ZNF586: variants seen among roughly 807,000 people sequenced by gnomAD.
ZNF586 encodes the protein zinc finger protein 586.
ZNF586 carries 7 observed loss-of-function variants against 6.7 expected under a neutral mutation model. The observed-to-expected ratio is 1.04, with a 90% CI of 0.59 to 1.95. The LOEUF (loss-of-function observed/expected upper bound fraction) is 1.95. Ranked by LOEUF, ZNF586 falls within the 30% of genes most tolerant of loss-of-function variation. The probability of loss-of-function intolerance (pLI) is 0.00; values close to 1 mark genes in which losing one functional copy is unlikely to be tolerated. For missense variants in ZNF586, 442 were observed against 489.6 expected (o/e 0.90, Z 0.92); for synonymous variants, 166 against 168.7 (o/e 0.98, Z 0.12).
At chr19:57,772,499 G>GTTT (rs397694745) in intron 1 of ZNF586, among the ~76,000 whole-genome samples, 106 of 147,396 alleles carry the variant, frequency 7.2e-4, no homozygotes, top group African/African-American at 2.5e-3. Context: ...GCCCCAGGAT[G>GTTT]TTTTTTTTTT....
Position 57,779,249 on chromosome 19 carries a change from T to C in ZNF586, c.662T>C (p.Leu221Pro). 6.2e-7 allele frequency: 1 copy of C among 1,613,938 alleles called. No individual in the cohort carries two copies. Among genetic ancestry groups the C allele is most frequent in the Non-Finnish European group, 8.5e-7 (1 of 1,179,994 alleles). ...CGKSFAYTSS[L>P]IKHRRIHTGE... ...AAGTCCTTTGCTTATACATCTAGTC[T>C]CATTAAACACAGGAGGATTCACACT... is the stretch of plus-strand genomic sequence containing the variant. The change falls in exon 3 of 3, where the codon CTC becomes CCC. Residue 221 changes from leucine (L) to proline (P), a missense_variant. Transcript: ENST00000396154.
chr19:57,779,021 C>T lies in ZNF586; in HGVS notation c.434C>T (p.Thr145Ile). 1 of 1,614,094 alleles carries T rather than the reference C, an allele frequency of 6.2e-7. No individual in the cohort carries two copies. Among genetic ancestry groups the T allele is most frequent in the East Asian group, 2.2e-5 (1 of 44,870 alleles). ...CTCCATATTCATGAGAGATTTCATA[C>T]TGGGCAAAAGACCTATGAGTGCAGT... Reference protein sequence around the residue: ...PTLHIHERFHTGQKTYECSEC... With the variant: ...PTLHIHERFHIGQKTYECSEC... The change falls in exon 3 of 3, where the codon ACT becomes ATT. Residue 145 changes from threonine to isoleucine, a missense_variant. By Grantham distance (89) the Thr-to-Ile change is moderately conservative. Transcript: ENST00000396154.
intron 1 of ZNF586, 132 bp from the exon 2 acceptor site, chr19:57,776,410 TG>T: frequency 9.0e-7 from 1 of 1,112,106 alleles, no homozygotes; most frequent in African/African-American, 1.6e-5. Context: ...GTGGCACTAG[TG>T]GGCAAAATTT....
chr19:57,780,002 T>C lies in ZNF586; in HGVS notation c.*206T>C. The C allele has an allele frequency of 1.8e-6, 1 of 551,532 alleles. No homozygotes were observed. Among genetic ancestry groups the C allele is most frequent in the Non-Finnish European group, 3.2e-6 (1 of 315,710 alleles). The allele number at this position is 551,532 out of a possible 1,614,324, so 34.2% of individuals were successfully genotyped here. On this transcript the variant is annotated 3_prime_UTR_variant, in exon 3 of 3. Transcript: ENST00000396154. ...AAAGCCTTCAGCCCTCTCTCATTGG[T>C]TACCACAATATTTACATGAGGAAAA...
At chr19:57,771,590 A>C (rs1987098847) in intron 1 of ZNF586, among the ~76,000 whole-genome samples, 1 of 152,142 alleles carries the variant, frequency 6.6e-6, no homozygotes, top group Non-Finnish European at 1.5e-5. Context: ...TCACCCAGGA[A>C]CTGATACTGG....
At chr19:57,776,120 C>CAG (rs1568483342) in intron 1 of ZNF586, among the ~76,000 whole-genome samples, 1 of 152,100 alleles carries the variant, frequency 6.6e-6, no homozygotes, top group Non-Finnish European at 1.5e-5. Context: ...CTGGCAAGAC[C>CAG]AGAGAGAGGC....
chr19:57,769,946 G>A, intron 1 of ZNF586, 68 bp downstream of exon 1: 1 of 1,352,006 alleles, frequency 7.4e-7, no homozygotes, highest in Admixed American at 2.9e-5. Context: ...TGATCGTGAG[G>A]GCCGCCTCCT....
In ZNF586 at chr19:57,779,595, G is replaced by T. The variant is rs1397613115; in HGVS notation, c.1008G>T (p.Leu336=). ...GAAAATCTAGCCTTATTATACATCT[G>T]AGAGTTCACACTGGAGAAAGGCCTT... The part of the protein sequence containing the change: ...FSRKSSLIIH[L]RVHTGERPYE... The change falls in exon 3 of 3, where the codon CTG becomes CTT. Residue 336 remains leucine, a synonymous_variant. Coordinates refer to ENST00000396154, the MANE Select transcript of ZNF586 (RefSeq NM_017652.4). 6.2e-7 allele frequency: 1 copy of T among 1,613,568 alleles called. No individual in the cohort carries two copies. Among genetic ancestry groups the T allele is most frequent in the African/African-American group, 1.3e-5 (1 of 74,820 alleles).
At chr19:57,776,798 G>A in intron 2 of ZNF586, 129 bp downstream of exon 2, 1 of 1,175,462 alleles carries the variant, frequency 8.5e-7, no homozygotes, top group Non-Finnish European at 1.2e-6. Flanking sequence ...TTCTGTTGTT[G>A]GTCGGACTGA....
chr19:57,778,834 A>G lies in ZNF586; in HGVS notation c.247A>G (p.Ser83Gly), dbSNP rs1003839628. The G allele has an allele frequency of 6.2e-7, 1 of 1,614,212 alleles. No individual in the cohort carries two copies. Among genetic ancestry groups the G allele is most frequent in the Non-Finnish European group, 8.5e-7 (1 of 1,180,042 alleles). ...TATATACAAAGACCAGGGAGGTCAT[A>G]GTGGAGAAAGGCCTTATGAGTGTGG... is the stretch of plus-strand genomic sequence containing the variant. Reference protein sequence around the residue: ...IHIYKDQGGHSGERPYECGEY... With the variant: ...IHIYKDQGGHGGERPYECGEY... Residue 83 changes from serine (S) to glycine (G), a missense_variant, in exon 3 of 3, where the codon AGT becomes GGT. Physicochemically the swap from Ser to Gly is moderately conservative, Grantham distance 56. Transcript: ENST00000396154.
chr19:57,778,325 T>C (rs1041556361), intron 2 of ZNF586, among the ~76,000 whole-genome samples: 2 of 152,080 alleles, frequency 1.3e-5, no homozygotes, highest in African/African-American at 4.8e-5. Flanking sequence ...TCCACCCACC[T>C]CGGCCTCGCA....
In ZNF586 at chr19:57,769,799, G is replaced by A; in HGVS notation, c.-44G>A. 6.5e-7 allele frequency: 1 copy of A among 1,541,972 alleles called. No homozygotes were observed. The highest frequency in any genetic ancestry group is 8.7e-7 in the Non-Finnish European group (1 of 1,144,290). ...TGGTCGCGACCCGGGACAGGACAAC[G>A]ACAGGAACACCGCCGAGCCCGCGTT... On this transcript the variant is annotated 5_prime_UTR_variant, in exon 1 of 3. Coordinates refer to ENST00000396154, the MANE Select transcript of ZNF586 (RefSeq NM_017652.4).
chr19:57,769,879 G>A lies in ZNF586; in HGVS notation c.36+1G>A, dbSNP rs1404857674. On this transcript the variant is annotated splice_donor_variant, in intron 1 of 2. Coordinates refer to ENST00000396154, the MANE Select transcript of ZNF586 (RefSeq NM_017652.4). LOFTEE classifies it high-confidence loss of function. ...AGCCGCTCTGAGGGCGCCTGCTCAG[G>A]TGAGCGCTGCGACCTCCGGGCCTTA... 7.8e-6 allele frequency: 12 copies of A among 1,541,708 alleles called. No individual in the cohort carries two copies. Among genetic ancestry groups the A allele is most frequent in the Non-Finnish European group, 1.0e-5 (12 of 1,143,554 alleles).
chr19:57,775,231 G>A (rs1304362960), intron 1 of ZNF586, among the ~76,000 whole-genome samples: 15 of 152,174 alleles, frequency 9.9e-5, no homozygotes, highest in East Asian at 7.7e-4. Flanking sequence ...TCCTGACCTC[G>A]TGATCTGCCC....
intron 1 of ZNF586, among the ~76,000 whole-genome samples, chr19:57,770,155 T>TTA (rs1987055074): frequency 1.4e-5 from 1 of 73,474 alleles, no homozygotes; most frequent in Admixed American, 2.0e-4. Context: ...ACGGAGTTAT[T>TTA]TCTTTTTTTT....
intron 1 of ZNF586, among the ~76,000 whole-genome samples, chr19:57,776,061 C>T (rs1987229473): frequency 6.6e-6 from 1 of 152,192 alleles, no homozygotes; most frequent in Non-Finnish European, 1.5e-5. Flanking sequence ...TAGGGTGAAA[C>T]TCCTACTCTT....
intron 1 of ZNF586, among the ~76,000 whole-genome samples, chr19:57,775,363 C>T (rs1009973434): frequency 6.6e-6 from 1 of 152,056 alleles, no homozygotes; most frequent in African/African-American, 2.4e-5. Context: ...GGTGTGGTAT[C>T]GCACACCTGT....
chr19:57,772,885 G>A (rs1267042335), intron 1 of ZNF586, among the ~76,000 whole-genome samples: 1 of 152,114 alleles, frequency 6.6e-6, no homozygotes, highest in Non-Finnish European at 1.5e-5. Flanking sequence ...GGGGTATGGG[G>A]CTGAAATTTC....
Position 57,769,811 on chromosome 19 carries a change from G to T in ZNF586, c.-32G>T. On this transcript the variant is annotated 5_prime_UTR_variant, in exon 1 of 3. Coordinates refer to ENST00000396154, the MANE Select transcript of ZNF586 (RefSeq NM_017652.4). ...GGGACAGGACAACGACAGGAACACC[G>T]CCGAGCCCGCGTTCCCCCCCCGCCC... The T allele has an allele frequency of 6.5e-7, 1 of 1,538,382 alleles. No individual in the cohort carries two copies. Among genetic ancestry groups the T allele is most frequent in the Non-Finnish European group, 8.7e-7 (1 of 1,143,928 alleles).
Sources: gnomAD v4.1 joint callset for allele counts (sites outside exome capture counted in the v4.1 genomes callset) on GRCh38, gnomAD v4.1.1 for gene constraint, MANE v1.5 for transcripts, NCBI Gene and HGNC (gene_info 2026-07-23, HGNC 2026-07-21) for gene names.